Variants in TNNI3K observed in about 807,000 individuals in gnomAD.
The protein encoded by TNNI3K is TNNI3 interacting kinase, also known as serine/threonine-protein kinase TNNI3K.
In TNNI3K, 140 loss-of-function variants were observed where a neutral mutation model predicts 114.5. That is an observed-to-expected ratio of 1.22 (90% CI 1.07 to 1.41). TNNI3K has a LOEUF of 1.41. Ranked by LOEUF, TNNI3K falls within the 40% of genes most tolerant of loss-of-function variation. The pLI is 0.00. For synonymous variants in TNNI3K, 347 were observed against 347.5 expected, an observed-to-expected ratio of 1.00 and a Z score of 0.02; for missense variants, 1,125 against 1,007.6, an observed-to-expected ratio of 1.12 and a Z score of -1.58.
chr1:74,274,244 T>A (rs910797236), intron 5 of TNNI3K, among the ~76,000 whole-genome samples: 4 of 151,940 alleles, frequency 2.6e-5, no homozygotes, highest in African/African-American at 9.7e-5. Flanking sequence ...AAGTGGATAA[T>A]CATAAAGGTC....
intron 7 of TNNI3K, among the ~76,000 whole-genome samples, chr1:74,338,841 A>G (rs1349100225): frequency 6.6e-6 from 1 of 152,166 alleles, no homozygotes; most frequent in African/African-American, 2.4e-5. Flanking sequence ...TCAGGCAGCT[A>G]CTTTAGAGCA....
chr1:74,319,051 T>A (rs1257393643), intron 5 of TNNI3K, among the ~76,000 whole-genome samples: 1 of 152,198 alleles, frequency 6.6e-6, no homozygotes, highest in African/African-American at 2.4e-5. Flanking sequence ...TTTCTATAGG[T>A]CAAGAATCTT....
intron 21 of TNNI3K, among the ~76,000 whole-genome samples, chr1:74,487,030 G>C (rs970851854): frequency 2.7e-4 from 41 of 152,160 alleles, no homozygotes. Context: ...AGGGGAATTA[G>C]AGACCGCAAA....
At chr1:74,488,891 T>G (rs1242887576) in intron 21 of TNNI3K, among the ~76,000 whole-genome samples, 1 of 152,192 alleles carries the variant, frequency 6.6e-6, no homozygotes, top group Non-Finnish European at 1.5e-5. Flanking sequence ...TCTTTCATTT[T>G]GAAGAGGAAA....
At chr1:74,428,933 A>T (rs983550803) in intron 17 of TNNI3K, among the ~76,000 whole-genome samples, 1 of 152,052 alleles carries the variant, frequency 6.6e-6, no homozygotes, top group Non-Finnish European at 1.5e-5. Flanking sequence ...ACAGAGTGAG[A>T]CCCTGTCTCT....
chr1:74,324,063 C>A (rs1659767507), intron 5 of TNNI3K, among the ~76,000 whole-genome samples: 1 of 152,180 alleles, frequency 6.6e-6, no homozygotes, highest in African/African-American at 2.4e-5. Context: ...ATAATTTGGT[C>A]TTGAGGTCTC....
chr1:74,255,341 G>C lies in TNNI3K; in HGVS notation c.333+4572G>C, dbSNP rs57131519. ...TGCACTCCAGCCTGGGCGACAGAGC[G>C]AGACTCCGTCTCAAAAAAAAAAAAA... On this transcript the variant is annotated intron_variant, in intron 4 of 24. Transcript: ENST00000326637. 2.2e-4 allele frequency among the ~76,000 whole-genome samples: 29 copies of C among 130,628 alleles called. No individual in the cohort carries two copies. In the East Asian group the frequency reaches 6.3e-3, roughly 28 times the overall value. The allele number at this position is 130,628 out of a possible 152,430, so 85.7% of individuals were successfully genotyped here.
chr1:74,525,442 T>TCAGTC (rs1425993023), intron 23 of TNNI3K, among the ~76,000 whole-genome samples: 3 of 152,134 alleles, frequency 2.0e-5, no homozygotes, highest in Non-Finnish European at 4.4e-5. Context: ...GAAAACTAGC[T>TCAGTC]CAGTCTGATT....
intron 17 of TNNI3K, among the ~76,000 whole-genome samples, chr1:74,414,408 G>A (rs1387843275): frequency 6.6e-6 from 1 of 152,126 alleles, no homozygotes; most frequent in African/African-American, 2.4e-5. Context: ...ATTACATCCA[G>A]TTATACTTGG....
intron 6 of TNNI3K, among the ~76,000 whole-genome samples, chr1:74,333,467 A>T (rs927817667): frequency 1.1e-4 from 17 of 152,218 alleles, no homozygotes; most frequent in African/African-American, 4.1e-4. Context: ...GATTAACCTC[A>T]TCACCCAGCA....
At chr1:74,368,002 T>C (rs914751561) in intron 13 of TNNI3K, 38 bp downstream of exon 13, 42 of 1,506,350 alleles carry the variant, frequency 2.8e-5, no homozygotes, top group Non-Finnish European at 3.1e-5. Flanking sequence ...ATTTAATTAC[T>C]AAGGATAACT....
chr1:74,439,363 T>C (rs763645649), intron 19 of TNNI3K, 127 bp from the exon 20 acceptor site: 51 of 1,432,258 alleles, frequency 3.6e-5, no homozygotes, highest in Admixed American at 7.3e-5. Context: ...GTATGGATGT[T>C]AATTTATATT....
At chr1:74,475,302 T>C (rs1668139879) in intron 21 of TNNI3K, 3 of 656,018 alleles carry the variant, frequency 4.6e-6, no homozygotes, top group Non-Finnish European at 5.6e-6. Context: ...CACCTTCTGT[T>C]CTTATTATAT....
chr1:74,464,893 A>T, intron 21 of TNNI3K: 5 of 1,300,686 alleles, frequency 3.8e-6, no homozygotes, highest in Non-Finnish European at 4.9e-6. Flanking sequence ...GATGCTTAAG[A>T]ATGTTTGTTG....
intron 23 of TNNI3K, among the ~76,000 whole-genome samples, chr1:74,521,431 G>T (rs959904283): frequency 2.6e-5 from 4 of 152,000 alleles, no homozygotes; most frequent in Admixed American, 6.6e-5. Context: ...ACTATTTTAT[G>T]AAATATGTAT....
chr1:74,471,577 G>A (rs769620540), intron 21 of TNNI3K: 1 of 400,574 alleles, frequency 2.5e-6, no homozygotes, highest in African/African-American at 2.1e-5. Flanking sequence ...TCTCTCCCCA[G>A]TGTTGCTAAA....
intron 2 of TNNI3K, among the ~76,000 whole-genome samples, chr1:74,246,802 T>C (rs1286256519): frequency 6.6e-6 from 1 of 152,196 alleles, no homozygotes; most frequent in African/African-American, 2.4e-5. Context: ...ATGTCCAATA[T>C]TGTATAGCAA....
At chr1:74,536,511 T>A (rs1646662239) in intron 23 of TNNI3K, among the ~76,000 whole-genome samples, 1 of 152,190 alleles carries the variant, frequency 6.6e-6, no homozygotes, top group Non-Finnish European at 1.5e-5. Context: ...ATAAAAACGG[T>A]GACTGATGAT....
chr1:74,240,352 G>T (rs1654112719), intron 2 of TNNI3K: 1 of 152,980 alleles, frequency 6.5e-6, no homozygotes, highest in Non-Finnish European at 1.5e-5. Context: ...CCTCAAAAAT[G>T]TTAGTTAACA....
Sources: allele counts gnomAD v4.1 joint callset (sites outside exome capture counted in the v4.1 genomes callset), GRCh38; gene constraint gnomAD v4.1.1; transcripts MANE v1.5; gene names NCBI Gene and HGNC (gene_info 2026-07-23, HGNC 2026-07-21).